Variants in ETFB observed in about 807,000 individuals in gnomAD.
ETFB encodes beta-ETF.
ETFB carries 20 observed loss-of-function variants against 25.6 expected under a neutral mutation model. The observed-to-expected ratio is 0.78, with a 90% CI of 0.55 to 1.14. ETFB has a LOEUF of 1.14. Ranked by LOEUF, ETFB falls within the 50% of genes most tolerant of loss-of-function variation. The probability of loss-of-function intolerance (pLI) is 0.00; values close to 1 mark genes in which losing one functional copy is unlikely to be tolerated. For missense variants in ETFB, 286 were observed against 342.6 expected, an observed-to-expected ratio of 0.83 and a Z score of 1.30; for synonymous variants, 142 against 146.7, an observed-to-expected ratio of 0.97 and a Z score of 0.23.
intron 1 of ETFB, among the ~76,000 whole-genome samples, chr19:51,362,348 C>T (rs1297181647): frequency 1.3e-5 from 2 of 152,080 alleles, no homozygotes; most frequent in East Asian, 1.9e-4. Context: ...GAGGCTGAGG[C>T]GGGTGGATTA....
At chr19:51,360,039 A>G (rs1462398773) in intron 1 of ETFB, among the ~76,000 whole-genome samples, 1 of 151,782 alleles carries the variant, frequency 6.6e-6, no homozygotes, top group Non-Finnish European at 1.5e-5. Flanking sequence ...AAGTTTTATA[A>G]TTGAGGTAAA....
rs1173190165 is a variant in ETFB, at chr19:51,366,361, A to T, written c.-35T>A. ...GCAGCCACTTACAGGGTCAGCCCGCACCCTCAGCGGCTCAGTCCAGAAGCC... is the reference window on the plus strand; with the variant it reads ...GCAGCCACTTACAGGGTCAGCCCGCTCCCTCAGCGGCTCAGTCCAGAAGCC... On this transcript the variant is annotated 5_prime_UTR_variant, in exon 1 of 6. Coordinates refer to ENST00000309244, the MANE Select transcript of ETFB (RefSeq NM_001985.3). The T allele has an allele frequency of 6.2e-7, 1 of 1,605,646 alleles. No individual in the cohort carries two copies. Among genetic ancestry groups the T allele is most frequent in the African/African-American group, 1.3e-5 (1 of 74,796 alleles).
chr19:51,349,897 C>T (rs546788764), intron 4 of ETFB, among the ~76,000 whole-genome samples: 1 of 152,168 alleles, frequency 6.6e-6, no homozygotes, highest in South Asian at 2.1e-4. Context: ...CAGGCGCACG[C>T]CACCACACCC....
In ETFB at chr19:51,354,194, C is replaced by CCAG; in HGVS notation, c.169_171dup (p.Leu57dup). The CCAG allele has an allele frequency of 6.2e-7, 1 of 1,614,194 alleles. No homozygotes were observed. The highest frequency in any genetic ancestry group is 8.5e-7 in the Non-Finnish European group (1 of 1,180,036). ...CAGCTGACGGCGATGACCTCCTTCA[C>CCAG]CAGCTTCTTCTCCTTGAGCCGCACA... On this transcript the variant is annotated inframe_insertion, in exon 2 of 6. Transcript: ENST00000309244.
In ETFB at chr19:51,366,161, A is replaced by C. The variant is rs372854256; in HGVS notation, c.57+109T>G. The C allele has an allele frequency of 1.6e-4, 182 of 1,115,114 alleles. No homozygotes were observed. In the East Asian group the frequency reaches 3.5e-3, roughly 21 times the overall value. The allele number at this position is 1,115,114 out of a possible 1,614,324, so 69.1% of individuals were successfully genotyped here. On this transcript the variant is annotated intron_variant, in intron 1 of 5. Coordinates refer to ENST00000309244, the MANE Select transcript of ETFB (RefSeq NM_001985.3). ...GGTGACTTTGACGTTTGGGGGTTAA[A>C]GCGGCAGAGGTCGGGGGTTACGAGA...
intron 1 of ETFB, chr19:51,355,763 T>C (rs1474959454): frequency 1.3e-5 from 2 of 151,878 alleles, no homozygotes; most frequent in Admixed American, 6.6e-5. Flanking sequence ...TATGCAGCCA[T>C]AAACAATGAT....
At chr19:51,354,375 C>T in intron 1 of ETFB, 67 bp from the exon 2 acceptor site, 1 of 1,614,156 alleles carries the variant, frequency 6.2e-7, no homozygotes, top group South Asian at 1.1e-5. Flanking sequence ...GCCTCAGCGC[C>T]AACCCTCTCC....
chr19:51,357,317 G>C (rs535719269), intron 1 of ETFB, among the ~76,000 whole-genome samples: 129 of 131,658 alleles, frequency 9.8e-4, no homozygotes, highest in Middle Eastern at 4.2e-3. Context: ...CAGGTGATCT[G>C]CTCTCCTCGG....
chr19:51,359,908 C>T (rs1986177956), intron 1 of ETFB, among the ~76,000 whole-genome samples: 1 of 151,860 alleles, frequency 6.6e-6, no homozygotes, highest in Non-Finnish European at 1.5e-5. Flanking sequence ...GTCCCAGCTA[C>T]TGAGGAGGCT....
intron 4 of ETFB, 74 bp from the exon 5 acceptor site, chr19:51,347,132 C>T (rs1270653278): frequency 1.4e-6 from 2 of 1,456,434 alleles, no homozygotes; most frequent in African/African-American, 2.8e-5. Context: ...GCTTATGCCA[C>T]TACTGAGTAC....
chr19:51,360,247 C>G (rs1986188187), intron 1 of ETFB, among the ~76,000 whole-genome samples: 1 of 151,678 alleles, frequency 6.6e-6, no homozygotes, highest in African/African-American at 2.4e-5. Flanking sequence ...ACTAAAAATA[C>G]AAAAATTAGT....
At position 51,362,162 on chromosome 19, in the gene ETFB, TACACACACACACACAC is replaced by T. The variant is rs59581815; in HGVS notation, c.57+4092_57+4107del. Among the ~76,000 whole-genome samples the T allele has an allele frequency of 7.9e-3, 1,146 of 144,642 alleles. 19 individuals are homozygous for T. The highest frequency in any genetic ancestry group is 0.028 in the African/African-American group (1,078 of 39,164). 94.9% of individuals were successfully genotyped at this position (144,642 alleles called of 152,430 possible). On this transcript the variant is annotated intron_variant, in intron 1 of 5. Transcript: ENST00000309244. The stretch of plus-strand genomic sequence containing the variant: ...AAACATACACACAGCCGGACACACA[TACACACACACACACAC>T]ACACACACACACACACACACACACA...
At chr19:51,354,556 A>G in intron 1 of ETFB, 2 of 1,614,146 alleles carry the variant, frequency 1.2e-6, no homozygotes, top group Non-Finnish European at 1.7e-6. Context: ...GATCATCCCT[A>G]CTGTTGTCAC....
intron 2 of ETFB, 74 bp downstream of exon 2, chr19:51,354,076 A>G: frequency 6.6e-7 from 1 of 1,511,808 alleles, no homozygotes; most frequent in Non-Finnish European, 9.0e-7. Context: ...CCTCCCTCAG[A>G]CCCAGGAGTC....
chr19:51,345,653 C>T (rs1985756198), intron 5 of ETFB: 2 of 517,308 alleles, frequency 3.9e-6, no homozygotes, highest in African/African-American at 3.8e-5. Flanking sequence ...AACAGAGTGG[C>T]AAACCCATCC....
chr19:51,354,578 G>A (rs771033601), intron 1 of ETFB: 5 of 1,614,050 alleles, frequency 3.1e-6, no homozygotes, highest in Non-Finnish European at 4.2e-6. Flanking sequence ...GCTCCTCTCA[G>A]GCCTGAAAGA....
At chr19:51,361,561 C>A (rs1347583255) in intron 1 of ETFB, among the ~76,000 whole-genome samples, 1 of 152,156 alleles carries the variant, frequency 6.6e-6, no homozygotes, top group Admixed American at 6.5e-5. Context: ...CGCTCCCAGA[C>A]GAGAGGGTGT....
chr19:51,355,968 G>A (rs1341750781), intron 1 of ETFB: 2 of 150,492 alleles, frequency 1.3e-5, no homozygotes, highest in East Asian at 3.9e-4. Flanking sequence ...GGGAGGGATA[G>A]CATTAGGAGA....
chr19:51,346,713 T>G, intron 5 of ETFB, 187 bp downstream of exon 5: 1 of 613,308 alleles, frequency 1.6e-6, no homozygotes, highest in Non-Finnish European at 2.9e-6. Flanking sequence ...GCAGCCCCCA[T>G]GAACTCTCAG....
Sources: allele counts gnomAD v4.1 joint callset (sites outside exome capture counted in the v4.1 genomes callset), GRCh38; gene constraint gnomAD v4.1.1; transcripts MANE v1.5; gene names NCBI Gene and HGNC (gene_info 2026-07-23, HGNC 2026-07-21).